AOPEP: variants seen among roughly 807,000 people sequenced by gnomAD.
The protein encoded by AOPEP is aminopeptidase O.
AOPEP carries 77 observed loss-of-function variants against 98.1 expected under a neutral mutation model. The ratio of observed to expected loss-of-function variants is 0.78; its 90% CI spans 0.65 to 0.95. The LOEUF (loss-of-function observed/expected upper bound fraction) is 0.95. Among genes scored for constraint, AOPEP ranks in the 40% least tolerant of loss-of-function variants. The pLI, the probability that AOPEP is intolerant of heterozygous loss-of-function variation, is 0.00. For missense variants in AOPEP, 1,024 were observed against 1,024.7 expected, an observed-to-expected ratio of 1.00 and a Z score of 0.01; for synonymous variants, 346 against 365.3, an observed-to-expected ratio of 0.95 and a Z score of 0.60.
chr9:94,772,914 A>C, intron 2 of AOPEP, 88 bp from the exon 3 acceptor site: 1 of 1,275,166 alleles, frequency 7.8e-7, no homozygotes, highest in Non-Finnish European at 1.1e-6. Flanking sequence ...TTGAAAGCTC[A>C]ACTTAACCTG....
chr9:94,934,334 T>TTTTTTTTG (rs1156808051), intron 7 of AOPEP, among the ~76,000 whole-genome samples: 2 of 147,852 alleles, frequency 1.4e-5, no homozygotes, highest in Non-Finnish European at 3.0e-5. Context: ...TTTTTTTTTT[T>TTTTTTTTG]GAGACAGAGT....
chr9:95,129,103 G>A, the AOPEP span, among the ~76,000 whole-genome samples: 8 of 151,850 alleles, frequency 5.3e-5, no homozygotes, highest in Non-Finnish European at 1.0e-4. Context: ...GGGTTTCACC[G>A]TGTTGGCCAG....
At chr9:94,967,700 T>A in intron 9 of AOPEP, 58 bp from the exon 10 acceptor site, 1 of 1,461,570 alleles carries the variant, frequency 6.8e-7, no homozygotes, top group South Asian at 1.1e-5. Flanking sequence ...CTGGCATGGT[T>A]CCAGGCAGAG....
intron 5 of AOPEP, among the ~76,000 whole-genome samples, chr9:94,826,990 G>A (rs1854761769): frequency 6.6e-6 from 1 of 152,216 alleles, no homozygotes; most frequent in Non-Finnish European, 1.5e-5. Context: ...ATGCCCCAGT[G>A]GAACTTGCAA....
chr9:94,807,195 A>G (rs1172086581), intron 5 of AOPEP, among the ~76,000 whole-genome samples: 1 of 152,232 alleles, frequency 6.6e-6, no homozygotes, highest in Non-Finnish European at 1.5e-5. Flanking sequence ...AGCAACAGGC[A>G]GAGTGAACTC....
intron 5 of AOPEP, among the ~76,000 whole-genome samples, chr9:94,815,405 C>T (rs530862904): frequency 6.6e-6 from 1 of 152,330 alleles, no homozygotes; most frequent in South Asian, 2.1e-4. Context: ...GACAGAGTAA[C>T]TTGCCCCTGT....
chr9:94,872,370 A>G (rs2046446209), intron 5 of AOPEP, among the ~76,000 whole-genome samples: 1 of 152,194 alleles, frequency 6.6e-6, no homozygotes, highest in African/African-American at 2.4e-5. Context: ...GTTGCCTTAC[A>G]TCGCTACTCA....
chr9:94,787,235 A>G (rs1349922617), intron 3 of AOPEP, among the ~76,000 whole-genome samples: 1 of 152,064 alleles, frequency 6.6e-6, no homozygotes, highest in East Asian at 1.9e-4. Flanking sequence ...TTAATTGCTA[A>G]TCTCCATTTC....
the AOPEP span, chr9:95,126,839 A>G: frequency 2.1e-6 from 1 of 467,006 alleles, no homozygotes; most frequent in East Asian, 3.9e-5. Context: ...ATAAAAGCTC[A>G]GGCGATCCAT....
At chr9:95,004,186 G>A in intron 11 of AOPEP, 1 of 455,640 alleles carries the variant, frequency 2.2e-6, no homozygotes, top group Non-Finnish European at 4.4e-6. Flanking sequence ...CTCCGCCCCG[G>A]CCCGCCCTCA....
intron 5 of AOPEP, among the ~76,000 whole-genome samples, chr9:94,858,421 C>A (rs2044504824): frequency 6.6e-6 from 1 of 152,204 alleles, no homozygotes; most frequent in Non-Finnish European, 1.5e-5. Context: ...TTCTGGAGAC[C>A]AGAAGGCTGA....
At chr9:95,090,003 G>A (rs992294091), downstream of AOPEP, among the ~76,000 whole-genome samples, 1 of 152,222 alleles carries the variant, frequency 6.6e-6, no homozygotes, top group Non-Finnish European at 1.5e-5. Context: ...TGCTCACAAG[G>A]GGCTTTCTTA....
intron 11 of AOPEP, among the ~76,000 whole-genome samples, chr9:94,983,450 G>T (rs113407725): frequency 4.8e-4 from 73 of 152,044 alleles, no homozygotes; most frequent in African/African-American, 1.7e-3. Context: ...ATTATATTTC[G>T]CTTGGACTGG....
chr9:95,112,434 G>A, the AOPEP span, among the ~76,000 whole-genome samples: 4 of 152,240 alleles, frequency 2.6e-5, no homozygotes, highest in East Asian at 1.9e-4. Flanking sequence ...CACTGTCCTC[G>A]CCTCCCTGGA....
chr9:94,731,291 G>T (rs191972171), intron 1 of AOPEP, among the ~76,000 whole-genome samples: 2 of 151,450 alleles, frequency 1.3e-5, no homozygotes, highest in Admixed American at 6.6e-5. Context: ...GCAGTGGCGC[G>T]ATCTCGGCTC....
At chr9:95,032,330 C>T (rs1491000943) in intron 13 of AOPEP, among the ~76,000 whole-genome samples, 1 of 152,216 alleles carries the variant, frequency 6.6e-6, no homozygotes, top group Non-Finnish European at 1.5e-5. Flanking sequence ...GAAAGACTGG[C>T]AGACCTCGCA....
In AOPEP at chr9:94,916,308, G is replaced by A. The variant is rs60281179; in HGVS notation, c.1365-7678G>A. On this transcript the variant is annotated intron_variant, in intron 5 of 16. Coordinates refer to ENST00000375315, the MANE Select transcript of AOPEP (RefSeq NM_001193329.3). Reference sequence around the variant, plus strand: ...ATCTGCGTGCTCCAATGAGGCTGCCGACATGTTTTAGTTGGTTACTCACAT... The same window carrying A: ...ATCTGCGTGCTCCAATGAGGCTGCCAACATGTTTTAGTTGGTTACTCACAT... Among the ~76,000 whole-genome samples, 695 of 152,262 alleles carry A rather than the reference G, an allele frequency of 4.6e-3. 5 individuals carry two copies. The highest frequency in any genetic ancestry group is 0.016 in the African/African-American group (662 of 41,554).
intron 6 of AOPEP, among the ~76,000 whole-genome samples, chr9:94,927,881 G>A (rs2054601963): frequency 2.0e-5 from 3 of 152,224 alleles, no homozygotes; most frequent in Admixed American, 2.0e-4. Flanking sequence ...CCATGGGACG[G>A]CAGCTGGTTC....
At chr9:95,101,813 C>T in the AOPEP span, 2 of 1,614,076 alleles carry the variant, frequency 1.2e-6, no homozygotes, top group Non-Finnish European at 1.7e-6. Flanking sequence ...GTCAAGAAAG[C>T]CAATGATCTC....
Sources: gnomAD v4.1 joint callset for allele counts (sites outside exome capture counted in the v4.1 genomes callset) on GRCh38, gnomAD v4.1.1 for gene constraint, MANE v1.5 for transcripts, NCBI Gene and HGNC (gene_info 2026-07-23, HGNC 2026-07-21) for gene names.